The following CDH13 variants were observed in gnomAD, a reference collection of about 807,000 sequenced individuals.
CDH13 encodes cadherin 13.
Under a neutral mutation model 63.8 loss-of-function variants are expected in CDH13, and 24 were observed. That is an observed-to-expected ratio of 0.38 (90% CI 0.27 to 0.53). CDH13 has a LOEUF of 0.53. CDH13 is among the 20% of genes least tolerant of loss of function. CDH13 has a pLI of 0.85. For synonymous variants in CDH13, 503 were observed against 355.3 expected, an observed-to-expected ratio of 1.42 and a Z score of -4.67; for missense variants, 1,049 against 903.1, an observed-to-expected ratio of 1.16 and a Z score of -2.07.
chr16:83,493,989 A>G (rs1370339926), intron 7 of CDH13, among the ~76,000 whole-genome samples: 2 of 152,200 alleles, frequency 1.3e-5, no homozygotes, highest in Non-Finnish European at 2.9e-5. Flanking sequence ...CTCAGTCCGT[A>G]GGTATTTTCT....
intron 1 of CDH13, among the ~76,000 whole-genome samples, chr16:82,720,433 G>C (rs1055062854): frequency 6.6e-6 from 1 of 151,982 alleles, no homozygotes; most frequent in Admixed American, 6.6e-5. Flanking sequence ...TAGGGTCTTG[G>C]GTGGCCAAAG....
intron 1 of CDH13, among the ~76,000 whole-genome samples, chr16:82,632,230 C>G (rs956619257): frequency 4.6e-5 from 7 of 152,126 alleles, no homozygotes; most frequent in African/African-American, 1.7e-4. Flanking sequence ...CTGCTTGCCC[C>G]TAGGGCTTTT....
rs1297232929 is a variant in CDH13, at chr16:82,868,156, T to G, written c.157+9683T>G. Among the ~76,000 whole-genome samples, 5 of 152,226 alleles carry G rather than the reference T, an allele frequency of 3.3e-5. No homozygotes were observed. The East Asian group carries it at 7.7e-4, about 23-fold the overall frequency. On this transcript the variant is annotated intron_variant, in intron 2 of 13. Transcript: ENST00000567109. Reference sequence around the variant, plus strand: ...TGGGGTTTCAAGTAGTATATTTGTTTTAATCTGTTGCGATGTGCCAAGGAA... The same window carrying G: ...TGGGGTTTCAAGTAGTATATTTGTTGTAATCTGTTGCGATGTGCCAAGGAA...
Position 83,714,091 on chromosome 16 carries a change from G to C in CDH13, c.1539-34017G>C, listed in dbSNP as rs549349424. ...CAAAACTCTGGGGCAGTGAGTGGAG[G>C]GGGGGCTGCCCTACGCCAAATCAGG... is the stretch of plus-strand genomic sequence containing the variant. On this transcript the variant is annotated intron_variant, in intron 10 of 13. Coordinates refer to ENST00000567109, the MANE Select transcript of CDH13 (RefSeq NM_001257.5). Among the ~76,000 whole-genome samples the C allele has an allele frequency of 2.0e-5, 3 of 152,292 alleles. 1 individual carries two copies. Among genetic ancestry groups the C allele is most frequent in the Admixed American group, 1.3e-4 (2 of 15,294 alleles).
At chr16:83,129,509 G>A (rs1197207149) in intron 4 of CDH13, among the ~76,000 whole-genome samples, 1 of 152,154 alleles carries the variant, frequency 6.6e-6, no homozygotes, top group African/African-American at 2.4e-5. Flanking sequence ...TACCCCTGTG[G>A]GTGACTGGAT....
intron 5 of CDH13, among the ~76,000 whole-genome samples, chr16:83,330,861 A>G (rs1158257199): frequency 1.3e-5 from 2 of 152,220 alleles, no homozygotes; most frequent in Non-Finnish European, 2.9e-5. Flanking sequence ...CATCAGCAAC[A>G]TGCAAAAGAC....
At chr16:82,642,871 C>G (rs1206757390) in intron 1 of CDH13, among the ~76,000 whole-genome samples, 1 of 152,184 alleles carries the variant, frequency 6.6e-6, no homozygotes, top group Non-Finnish European at 1.5e-5. Context: ...GGGGAAACTT[C>G]AGGAGAACTT....
At chr16:83,322,657 G>A (rs1283141825) in intron 5 of CDH13, among the ~76,000 whole-genome samples, 3 of 152,172 alleles carry the variant, frequency 2.0e-5, no homozygotes, top group East Asian at 1.9e-4. Flanking sequence ...CCCAGATGAA[G>A]GATGAACTCT....
At position 83,743,205 on chromosome 16, in the gene CDH13, C is replaced by T. The variant is rs137988209; in HGVS notation, c.1539-4903C>T. Among the ~76,000 whole-genome samples the T allele has an allele frequency of 1.4e-3, 214 of 151,388 alleles. 1 individual carries two copies. The highest frequency in any genetic ancestry group is 5.0e-3 in the African/African-American group (205 of 40,770). ...CCTGGGCGACAGAGCAAGACTCCGT[C>T]TCAAAAAATAAAATAAAATAAGCAA... On this transcript the variant is annotated intron_variant, in intron 10 of 13. Coordinates refer to ENST00000567109, the MANE Select transcript of CDH13 (RefSeq NM_001257.5).
chr16:82,878,702 A>G (rs118079821), intron 2 of CDH13, among the ~76,000 whole-genome samples: 2 of 151,324 alleles, frequency 1.3e-5, no homozygotes, highest in African/African-American at 2.4e-5. Flanking sequence ...AGACACAAGC[A>G]GTTGGCAGGG....
intron 8 of CDH13, among the ~76,000 whole-genome samples, chr16:83,627,758 A>G (rs1293940756): frequency 6.6e-6 from 1 of 152,122 alleles, no homozygotes; most frequent in Non-Finnish European, 1.5e-5. Context: ...CTTGGATCTT[A>G]CACAAGAAAG....
At chr16:83,257,544 C>T (rs141111334) in intron 5 of CDH13, among the ~76,000 whole-genome samples, 1 of 152,122 alleles carries the variant, frequency 6.6e-6, no homozygotes, top group Admixed American at 6.6e-5. Context: ...CTCCATGAAT[C>T]TGTTAGGAAG....
At chr16:82,822,162 CA>C (rs1232563221) in intron 1 of CDH13, among the ~76,000 whole-genome samples, 8 of 152,010 alleles carry the variant, frequency 5.3e-5, no homozygotes, top group Non-Finnish European at 1.0e-4. Context: ...CCCGGGGACA[CA>C]AGGCTATGTA....
At chr16:83,192,128 A>G (rs1241630463) in intron 4 of CDH13, among the ~76,000 whole-genome samples, 1 of 152,090 alleles carries the variant, frequency 6.6e-6, no homozygotes, top group African/African-American at 2.4e-5. Flanking sequence ...TCTAATTCAC[A>G]CTCAAGCCTC....
chr16:83,063,416 A>G (rs1469604622), intron 3 of CDH13, among the ~76,000 whole-genome samples: 1 of 152,194 alleles, frequency 6.6e-6, no homozygotes, highest in Non-Finnish European at 1.5e-5. Flanking sequence ...AGGAAGGGAA[A>G]TAGATTCAGC....
At chr16:82,710,553 AT>A (rs1355524854) in intron 1 of CDH13, among the ~76,000 whole-genome samples, 2,151 of 46,590 alleles carry the variant, frequency 0.046, 68 homozygotes, top group African/African-American at 0.12. Flanking sequence ...AAAAAAAAAA[AT>A]ATATATATAT....
intron 3 of CDH13, among the ~76,000 whole-genome samples, chr16:83,100,837 C>A (rs547638513): frequency 6.6e-5 from 10 of 152,314 alleles, no homozygotes; most frequent in Non-Finnish European, 1.5e-4. Flanking sequence ...TTTCAGCCCT[C>A]AGCCACTTCC....
intron 6 of CDH13, among the ~76,000 whole-genome samples, chr16:83,384,346 G>C (rs1295291592): frequency 6.6e-6 from 1 of 152,132 alleles, no homozygotes; most frequent in African/African-American, 2.4e-5. Flanking sequence ...CAGGCTACCA[G>C]CAGGCACTGG....
intron 4 of CDH13, among the ~76,000 whole-genome samples, chr16:83,152,970 A>G (rs1399501811): frequency 1.3e-5 from 2 of 152,226 alleles, no homozygotes; most frequent in Non-Finnish European, 2.9e-5. Context: ...AAGGCACGGA[A>G]TGCCAAGAAC....
Sources: gnomAD v4.1 joint callset for allele counts (sites outside exome capture counted in the v4.1 genomes callset) on GRCh38, gnomAD v4.1.1 for gene constraint, MANE v1.5 for transcripts, NCBI Gene and HGNC (gene_info 2026-07-23, HGNC 2026-07-21) for gene names.